The following SMYD3 variants were observed in gnomAD, a reference collection of about 807,000 sequenced individuals.
The protein encoded by SMYD3 is histone-lysine N-methyltransferase SMYD3.
A neutral mutation model predicts 57.7 loss-of-function variants in SMYD3; 36 were observed. The observed-to-expected ratio is 0.62, with a 90% CI of 0.48 to 0.82. SMYD3 has a LOEUF of 0.82. Ranked by LOEUF, SMYD3 falls within the 40% of genes least tolerant of loss-of-function variation. The pLI is 0.00. For missense variants in SMYD3, 515 were observed against 538.8 expected, an observed-to-expected ratio of 0.96 and a Z score of 0.44; for synonymous variants, 211 against 195.0, an observed-to-expected ratio of 1.08 and a Z score of -0.68.
chr1:246,232,188 G>A (rs1186833374), intron 5 of SMYD3, among the ~76,000 whole-genome samples: 4 of 152,020 alleles, frequency 2.6e-5, no homozygotes, highest in South Asian at 2.1e-4. Flanking sequence ...CAGTGGTTAG[G>A]GGGTTAATGA....
intron 5 of SMYD3, among the ~76,000 whole-genome samples, chr1:246,273,161 T>TTTTTTTTTTTG (rs2064258201): frequency 1.1e-4 from 14 of 131,080 alleles, no homozygotes; most frequent in African/African-American, 2.8e-4. Flanking sequence ...TTCTTTTTTT[T>TTTTTTTTTTTG]GGGGGGGGGA....
chr1:246,180,910 G>A (rs2062540466), intron 5 of SMYD3, among the ~76,000 whole-genome samples: 1 of 151,788 alleles, frequency 6.6e-6, no homozygotes, highest in Non-Finnish European at 1.5e-5. Flanking sequence ...AGAGGCGTAA[G>A]GAGCCATAAA....
chr1:245,931,564 T>C (rs1168587840), intron 5 of SMYD3, among the ~76,000 whole-genome samples: 1 of 152,082 alleles, frequency 6.6e-6, no homozygotes, highest in Non-Finnish European at 1.5e-5. Flanking sequence ...GAATGAACAA[T>C]TGGAGTTCAC....
rs372495615 is a variant in SMYD3 at position 245,759,545 on chromosome 1, C to T, written c.1185+4496G>A. Among the ~76,000 whole-genome samples the T allele has an allele frequency of 3.0e-3, 453 of 152,244 alleles. 8 individuals carry two copies. The highest frequency in any genetic ancestry group is 0.028 in the South Asian group (136 of 4,814). ...CCAAAGAGGTTAAGAATCACTGTAG[C>T]GGATTAAGACATGGGAACAACAGAA... On this transcript the variant is annotated intron_variant, in intron 11 of 11. Coordinates refer to ENST00000490107, the MANE Select transcript of SMYD3 (RefSeq NM_001167740.2).
chr1:245,835,508 G>A (rs2050065741), intron 10 of SMYD3, among the ~76,000 whole-genome samples: 1 of 152,172 alleles, frequency 6.6e-6, no homozygotes, highest in African/African-American at 2.4e-5. Context: ...ATATTATAGA[G>A]CTCAAATGAG....
At chr1:246,385,052 G>C (rs1434583132) in intron 1 of SMYD3, among the ~76,000 whole-genome samples, 1 of 152,098 alleles carries the variant, frequency 6.6e-6, no homozygotes, top group Non-Finnish European at 1.5e-5. Flanking sequence ...GCAGGATAAA[G>C]CTTAGGTATT....
intron 10 of SMYD3, among the ~76,000 whole-genome samples, chr1:245,818,065 C>T (rs1221421813): frequency 1.9e-4 from 29 of 151,782 alleles, no homozygotes; most frequent in Admixed American, 4.6e-4. Context: ...AGATACTCCT[C>T]GAGAAGAGCA....
intron 1 of SMYD3, among the ~76,000 whole-genome samples, chr1:246,406,838 G>C (rs1321150298): frequency 6.6e-6 from 1 of 152,206 alleles, no homozygotes; most frequent in Non-Finnish European, 1.5e-5. Flanking sequence ...TCGATATGCA[G>C]CAGTCCTCCC....
intron 5 of SMYD3, among the ~76,000 whole-genome samples, chr1:246,182,145 G>A (rs960189569): frequency 3.9e-5 from 6 of 152,094 alleles, no homozygotes; most frequent in South Asian, 2.1e-4. Context: ...TGTTCTCATC[G>A]TAACTGAAAT....
At chr1:246,162,323 A>C (rs970301816) in intron 5 of SMYD3, among the ~76,000 whole-genome samples, 1 of 152,212 alleles carries the variant, frequency 6.6e-6, no homozygotes, top group African/African-American at 2.4e-5. Context: ...TGGGAAAAGA[A>C]GTCTGTCAGA....
chr1:246,280,911 T>C (rs1558373816), intron 5 of SMYD3, among the ~76,000 whole-genome samples: 2 of 152,188 alleles, frequency 1.3e-5, no homozygotes, highest in African/African-American at 2.4e-5. Flanking sequence ...AAATTCCAAA[T>C]GGAAGGATGC....
rs866316003 is a variant in SMYD3, at chr1:246,241,494, C to T, written c.531+85707G>A. On this transcript the variant is annotated intron_variant, in intron 5 of 11. Transcript: ENST00000490107. ...TGATGTGCTGCTGGATTCGGTTTGCCAGTATTTTATTGAGGATTTCTGCAT... is the reference window on the plus strand; with the variant it reads ...TGATGTGCTGCTGGATTCGGTTTGCTAGTATTTTATTGAGGATTTCTGCAT... 1.3e-4 allele frequency among the ~76,000 whole-genome samples: 20 copies of T among 152,150 alleles called. No homozygotes were observed. The South Asian group carries it at 1.4e-3, about 11-fold the overall frequency.
chr1:245,854,500 T>C (rs2051133469), intron 10 of SMYD3, among the ~76,000 whole-genome samples: 2 of 152,194 alleles, frequency 1.3e-5, no homozygotes, highest in East Asian at 3.8e-4. Flanking sequence ...TTAAAAAGAA[T>C]AAGGTAGCTA....
chr1:246,185,749 C>T (rs759427948), intron 5 of SMYD3, among the ~76,000 whole-genome samples: 7 of 152,128 alleles, frequency 4.6e-5, no homozygotes, highest in Admixed American at 1.3e-4. Flanking sequence ...CATGAGCCAC[C>T]GTGCCTGGCT....
chr1:246,272,910 C>T (rs1394585617), intron 5 of SMYD3, among the ~76,000 whole-genome samples: 1 of 152,124 alleles, frequency 6.6e-6, no homozygotes, highest in Non-Finnish European at 1.5e-5. Context: ...TGAAGCCCTC[C>T]AAGTCAGCTT....
intron 1 of SMYD3, among the ~76,000 whole-genome samples, chr1:246,502,706 T>C (rs1235540026): frequency 6.6e-6 from 1 of 152,160 alleles, no homozygotes; most frequent in African/African-American, 2.4e-5. Flanking sequence ...GGATCTGTGT[T>C]GTTTCTCTGG....
chr1:245,899,230 C>T (rs545628369), intron 8 of SMYD3, among the ~76,000 whole-genome samples: 2 of 151,576 alleles, frequency 1.3e-5, no homozygotes, highest in Admixed American at 1.3e-4. Context: ...TTTGGGAATG[C>T]ACTAAGCTGA....
At chr1:246,269,543 C>CTTTTTTTTTTTTTTTTT (rs570972296) in intron 5 of SMYD3, among the ~76,000 whole-genome samples, 4 of 135,214 alleles carry the variant, frequency 3.0e-5, no homozygotes, top group Non-Finnish European at 4.7e-5. Context: ...CTTTTTTTTT[C>CTTTTTTTTTTTTTTTTT]TTTTTTTTTT....
At chr1:245,815,905 T>C (rs1456094582) in intron 10 of SMYD3, among the ~76,000 whole-genome samples, 1 of 152,192 alleles carries the variant, frequency 6.6e-6, no homozygotes, top group African/African-American at 2.4e-5. Context: ...CCAAAGCCCA[T>C]GATCCTTCGG....
Sources: gnomAD v4.1 joint callset for allele counts (sites outside exome capture counted in the v4.1 genomes callset) on GRCh38, gnomAD v4.1.1 for gene constraint, MANE v1.5 for transcripts, NCBI Gene and HGNC (gene_info 2026-07-23, HGNC 2026-07-21) for gene names.